Variants in LRPPRC observed in about 807,000 individuals in gnomAD.
LRPPRC encodes the protein leucine-rich PPR motif-containing protein, mitochondrial.
Under a neutral mutation model 180.3 loss-of-function variants are expected in LRPPRC, and 120 were observed. That is an observed-to-expected ratio of 0.67 (90% CI 0.57 to 0.77). The LOEUF is 0.77. LRPPRC is among the 30% of genes least tolerant of loss of function. LRPPRC has a pLI of 0.00. For synonymous variants in LRPPRC, 723 were observed against 600.0 expected (o/e 1.21, Z -3.00); for missense variants, 2,012 against 1,657.2 (o/e 1.21, Z -3.72).
rs774352786 is a variant in LRPPRC, at chr2:43,947,388, G to T, written c.1966-18C>A. 3.8e-6 allele frequency: 5 copies of T among 1,310,286 alleles called. No individual in the cohort carries two copies. Among genetic ancestry groups the T allele is most frequent in the Admixed American group, 1.7e-5 (1 of 59,008 alleles). 81.2% of individuals were successfully genotyped at this position (1,310,286 alleles called of 1,614,324 possible). A position where few individuals can be genotyped will look rare whatever the true frequency, so the allele number is the denominator to read the frequency against. ...TGCACAGTCTACAGAAAAGAAAAAA[G>T]AAAAGAAAAATTTCCTGAAAAAGGA... On this transcript the variant is annotated intron_variant, in intron 19 of 37. Coordinates refer to ENST00000260665, the MANE Select transcript of LRPPRC (RefSeq NM_133259.4).
Position 43,888,474 on chromosome 2 carries a change from A to G in LRPPRC, c.*126T>C, listed in dbSNP as rs1340269764. The G allele has an allele frequency of 1.5e-6, 1 of 660,996 alleles. No individual in the cohort carries two copies. 40.9% of individuals were successfully genotyped at this position (660,996 alleles called of 1,614,324 possible). A position where few individuals can be genotyped will look rare whatever the true frequency, so the allele number is the denominator to read the frequency against. On this transcript the variant is annotated 3_prime_UTR_variant, in exon 38 of 38. Coordinates refer to ENST00000260665, the MANE Select transcript of LRPPRC (RefSeq NM_133259.4). ...AGAGTTATGGTCAATAAGACTTTGA[A>G]CATGCATCACACATACATAAGTACA...
chr2:43,887,565 A>C lies in LRPPRC; in HGVS notation c.*1035T>G, dbSNP rs542906199. ...AATTCAAATGAACAAGGAATACCCC[A>C]AAATGGGGAGAGTTCTCAAAACATT... is the stretch of plus-strand genomic sequence containing the variant. On this transcript the variant is annotated 3_prime_UTR_variant, in exon 38 of 38. Transcript: ENST00000260665. 1 of 152,340 alleles carries C rather than the reference A, an allele frequency of 6.6e-6. No homozygotes were observed. Among genetic ancestry groups the C allele is most frequent in the Non-Finnish European group, 1.5e-5 (1 of 68,022 alleles). 9.4% of individuals were successfully genotyped at this position (152,340 alleles called of 1,614,324 possible).
intron 1 of LRPPRC, among the ~76,000 whole-genome samples, chr2:43,992,816 C>A (rs940978048): frequency 6.6e-6 from 1 of 151,960 alleles, no homozygotes. Flanking sequence ...AGGAGGGGTC[C>A]AATTTGAGCT....
intron 11 of LRPPRC, among the ~76,000 whole-genome samples, chr2:43,970,007 T>C (rs1673734007): frequency 6.6e-6 from 1 of 152,096 alleles, no homozygotes; most frequent in East Asian, 1.9e-4. Flanking sequence ...AATAATAACT[T>C]AATTTTTTTC....
intron 25 of LRPPRC, among the ~76,000 whole-genome samples, chr2:43,932,577 T>A (rs917002049): frequency 6.6e-6 from 1 of 152,172 alleles, no homozygotes; most frequent in East Asian, 1.9e-4. Flanking sequence ...TCTTGCCTAT[T>A]CATGTGGCAA....
intron 27 of LRPPRC, among the ~76,000 whole-genome samples, chr2:43,918,818 T>TAG (rs1558938530): frequency 6.9e-6 from 1 of 145,406 alleles, no homozygotes; most frequent in African/African-American, 2.6e-5. Context: ...TAGATATATA[T>TAG]ATATCTATAT....
At chr2:43,987,999 T>C (rs1027321154) in intron 1 of LRPPRC, among the ~76,000 whole-genome samples, 23 of 152,090 alleles carry the variant, frequency 1.5e-4, no homozygotes, top group African/African-American at 5.3e-4. Context: ...ATCCTAGCAC[T>C]TTTGGAGGCC....
At chr2:43,918,003 C>A (rs371283628) in intron 29 of LRPPRC, 22 bp downstream of exon 29, 184 of 1,512,366 alleles carry the variant, frequency 1.2e-4, no homozygotes, top group Non-Finnish European at 1.6e-4. Flanking sequence ...CCACACACAC[C>A]CCCATCCCCG....
intron 31 of LRPPRC, chr2:43,902,181 C>A (rs1458023858): frequency 6.6e-6 from 1 of 152,262 alleles, no homozygotes; most frequent in African/African-American, 2.4e-5. Flanking sequence ...CGACTTAGCC[C>A]CATCGGTAAG....
Position 43,924,139 on chromosome 2 carries a change from G to C in LRPPRC, c.2896+928C>G, listed in dbSNP as rs562597735. Among the ~76,000 whole-genome samples, 10 of 152,224 alleles carry C rather than the reference G, an allele frequency of 6.6e-5. 1 individual carries two copies. The East Asian group carries it at 1.9e-3, about 29-fold the overall frequency. On this transcript the variant is annotated intron_variant, in intron 27 of 37. Coordinates refer to ENST00000260665, the MANE Select transcript of LRPPRC (RefSeq NM_133259.4). Reference sequence around the variant, plus strand: ...ATGGTAATAAATACAAGTTTGAAAAGACAAATAAATCCCCTTATTCGTTTG... The same window carrying C: ...ATGGTAATAAATACAAGTTTGAAAACACAAATAAATCCCCTTATTCGTTTG...
At chr2:43,978,229 C>T (rs1443685353) in intron 3 of LRPPRC, among the ~76,000 whole-genome samples, 3 of 152,066 alleles carry the variant, frequency 2.0e-5, no homozygotes, top group African/African-American at 7.2e-5. Context: ...TAAAAGATCT[C>T]TTGTATCTTT....
At chr2:43,973,164 C>T (rs933211062) in intron 11 of LRPPRC, among the ~76,000 whole-genome samples, 1 of 152,136 alleles carries the variant, frequency 6.6e-6, no homozygotes, top group African/African-American at 2.4e-5. Context: ...TCCTGCCTTT[C>T]CTATTATTCT....
At chr2:43,965,318 C>T (rs1673508906) in intron 11 of LRPPRC, among the ~76,000 whole-genome samples, 1 of 152,152 alleles carries the variant, frequency 6.6e-6, no homozygotes, top group East Asian at 1.9e-4. Context: ...CTCAGCCTCC[C>T]AAAGTGTTGG....
At chr2:43,904,980 A>T (rs928917737) in intron 31 of LRPPRC, among the ~76,000 whole-genome samples, 18 of 151,942 alleles carry the variant, frequency 1.2e-4, no homozygotes, top group Admixed American at 5.2e-4. Flanking sequence ...CATTCATAAG[A>T]CCTCCACATC....
chr2:43,986,312 T>C (rs926301818), intron 1 of LRPPRC, among the ~76,000 whole-genome samples: 1 of 152,016 alleles, frequency 6.6e-6, no homozygotes, highest in Non-Finnish European at 1.5e-5. Context: ...ATATTTTTAG[T>C]ACAGACGGAG....
Position 43,888,412 on chromosome 2 carries a change from G to A in LRPPRC, c.*188C>T, listed in dbSNP as rs1037668600. On this transcript the variant is annotated 3_prime_UTR_variant, in exon 38 of 38. Coordinates refer to ENST00000260665, the MANE Select transcript of LRPPRC (RefSeq NM_133259.4). Reference sequence around the variant, plus strand: ...GAAAACACTATCGATTTTTCCCAGAGAAAAAAACTCCAAAAATGTCCAATA... The same window carrying A: ...GAAAACACTATCGATTTTTCCCAGAAAAAAAAACTCCAAAAATGTCCAATA... 24 of 527,120 alleles carry A rather than the reference G, an allele frequency of 4.6e-5. No individual in the cohort carries two copies. Among genetic ancestry groups the A allele is most frequent in the African/African-American group, 4.0e-4 (21 of 51,868 alleles). The allele number at this position is 527,120 out of a possible 1,614,324, so 32.7% of individuals were successfully genotyped here. A position where few individuals can be genotyped will look rare whatever the true frequency, so the allele number is the denominator to read the frequency against.
chr2:43,971,590 T>C (rs1479594741), intron 11 of LRPPRC, among the ~76,000 whole-genome samples: 1 of 150,924 alleles, frequency 6.6e-6, no homozygotes, highest in Non-Finnish European at 1.5e-5. Context: ...TTCCACTTTG[T>C]CTGATCCCCA....
intron 23 of LRPPRC, among the ~76,000 whole-genome samples, chr2:43,941,946 C>T (rs991763941): frequency 6.6e-6 from 1 of 151,348 alleles, no homozygotes; most frequent in Non-Finnish European, 1.5e-5. Context: ...TGAAAAGACA[C>T]TAATTTAGAT....
Position 43,943,731 on chromosome 2 carries a change from T to C in LRPPRC, c.2460A>G (p.Pro820=), listed in dbSNP as rs909678724. ...CCAATGGGAAACTTATGTTGGTGGA[T>C]GGTTCTGCTAACCCTAGAGTCACGA... is the stretch of plus-strand genomic sequence containing the variant. ...EAIVTLGLAE[P]STNISFPLVT... Residue 820 remains proline, a synonymous_variant, in exon 23 of 38, where the codon CCA becomes CCG. Transcript: ENST00000260665. 2.5e-6 allele frequency: 4 copies of C among 1,613,434 alleles called. No homozygotes were observed. The highest frequency in any genetic ancestry group is 3.3e-5 in the Admixed American group (2 of 59,984).
Sources: allele counts gnomAD v4.1 joint callset (sites outside exome capture counted in the v4.1 genomes callset), GRCh38; gene constraint gnomAD v4.1.1; transcripts MANE v1.5; gene names NCBI Gene and HGNC (gene_info 2026-07-23, HGNC 2026-07-21).